RNF8: variants seen among roughly 807,000 people sequenced by gnomAD.
The protein encoded by RNF8 is E3 ubiquitin-protein ligase RNF8.
In RNF8, 8 loss-of-function variants were observed where a neutral mutation model predicts 59.3. The ratio of observed to expected loss-of-function variants is 0.13; its 90% CI spans 0.08 to 0.24. RNF8 has a LOEUF of 0.24. Ranked by LOEUF, RNF8 falls within the 10% of genes least tolerant of loss-of-function variation. RNF8 has a pLI of 1.00. For synonymous variants in RNF8, 162 were observed against 200.0 expected (o/e 0.81, Z 1.60); for missense variants, 406 against 572.6 (o/e 0.71, Z 2.97).
chr6:37,364,512 A>G (rs1334818425), intron 2 of RNF8, among the ~76,000 whole-genome samples: 1 of 152,220 alleles, frequency 6.6e-6, no homozygotes, highest in African/African-American at 2.4e-5. Flanking sequence ...TAAAAAATAT[A>G]TTGACGGATA....
intron 3 of RNF8, among the ~76,000 whole-genome samples, chr6:37,369,533 G>A (rs1769711752): frequency 6.6e-6 from 1 of 152,198 alleles, no homozygotes; most frequent in African/African-American, 2.4e-5. Context: ...ATGAATTCAG[G>A]GGGAAGTTAG....
At chr6:37,388,633 GAGGGATGTGGGGC>G (rs918099393) in intron 7 of RNF8, among the ~76,000 whole-genome samples, 12 of 152,220 alleles carry the variant, frequency 7.9e-5, no homozygotes, top group Non-Finnish European at 1.0e-4. Context: ...GATGGAAAAA[GAGGGATGTGGGGC>G]AGGGATGTGG....
intron 1 of RNF8, 71 bp downstream of exon 1, chr6:37,354,346 G>C (rs1196024684): frequency 2.4e-6 from 3 of 1,259,414 alleles, no homozygotes; most frequent in Non-Finnish European, 3.3e-6. Flanking sequence ...GAGGGAGGAA[G>C]GTGTCTTGCT....
chr6:37,378,752 G>A (rs940306239), intron 6 of RNF8, among the ~76,000 whole-genome samples: 2 of 151,914 alleles, frequency 1.3e-5, no homozygotes, highest in Non-Finnish European at 1.5e-5. Flanking sequence ...ACTTCAGATC[G>A]TAACTTCTCC....
At chr6:37,369,664 GGTCA>G (rs1336418328) in intron 3 of RNF8, 4 of 158,024 alleles carry the variant, frequency 2.5e-5, no homozygotes, top group Non-Finnish European at 4.2e-5. Flanking sequence ...GGCAGGTACA[GGTCA>G]GCTGGTTCCT....
chr6:37,383,320 A>C (rs1212149013), intron 7 of RNF8, among the ~76,000 whole-genome samples: 1 of 152,260 alleles, frequency 6.6e-6, no homozygotes, highest in South Asian at 2.1e-4. Flanking sequence ...CACTGGGTTT[A>C]GAGAAAATTC....
chr6:37,370,252 G>A (rs1484353763), intron 3 of RNF8: 1 of 152,116 alleles, frequency 6.6e-6, no homozygotes, highest in Non-Finnish European at 1.5e-5. Context: ...ATTAGCAAAG[G>A]CCATGGATTA....
intron 6 of RNF8, among the ~76,000 whole-genome samples, chr6:37,380,305 A>G (rs1460205037): frequency 1.3e-5 from 2 of 152,154 alleles, no homozygotes; most frequent in Non-Finnish European, 2.9e-5. Flanking sequence ...GAAAAAGACA[A>G]ATCAGCCTGC....
intron 7 of RNF8, among the ~76,000 whole-genome samples, chr6:37,390,493 A>G (rs907613114): frequency 1.3e-5 from 2 of 152,094 alleles, no homozygotes; most frequent in African/African-American, 4.8e-5. Context: ...TGGGTAGGAG[A>G]GGAAGCTTGA....
At chr6:37,356,624 C>A (rs1769124141) in intron 1 of RNF8, among the ~76,000 whole-genome samples, 1 of 152,104 alleles carries the variant, frequency 6.6e-6, no homozygotes, top group Non-Finnish European at 1.5e-5. Flanking sequence ...AGTATCTAGG[C>A]CTTTGGGGAA....
In RNF8 at chr6:37,376,970, C is replaced by T; in HGVS notation, c.1173C>T (p.Ser391=). The change falls in exon 6 of 8, where the codon AGC becomes AGT. Residue 391 remains serine (S), a synonymous_variant. Transcript: ENST00000373479. ...AAGCACAGAAGGAAGAAGTTCTTAGCCACATGAATGATGTGCTAGAGAATG... is the reference window on the plus strand; with the variant it reads ...AAGCACAGAAGGAAGAAGTTCTTAGTCACATGAATGATGTGCTAGAGAATG... ...KMQAQKEEVL[S]HMNDVLENEL... 6.2e-7 allele frequency: 1 copy of T among 1,612,728 alleles called. No individual in the cohort carries two copies.
At chr6:37,358,397 AT>A (rs1463429832) in intron 1 of RNF8, among the ~76,000 whole-genome samples, 1 of 152,220 alleles carries the variant, frequency 6.6e-6, no homozygotes, top group African/African-American at 2.4e-5. Context: ...TATAAAGCTT[AT>A]GGGGGCTAGA....
chr6:37,386,070 G>A (rs961683966), intron 7 of RNF8, among the ~76,000 whole-genome samples: 17 of 151,682 alleles, frequency 1.1e-4, no homozygotes, highest in African/African-American at 3.1e-4. Flanking sequence ...TCCTGAGCTC[G>A]AGCAATCCAC....
At chr6:37,374,753 C>T in intron 5 of RNF8, 44 bp downstream of exon 5, 1 of 1,410,756 alleles carries the variant, frequency 7.1e-7, no homozygotes, top group African/African-American at 1.4e-5. Flanking sequence ...TTAGTGCATG[C>T]AACTCAGCAT....
intron 2 of RNF8, among the ~76,000 whole-genome samples, chr6:37,362,146 T>C (rs538236649): frequency 1.5e-4 from 23 of 152,240 alleles, no homozygotes; most frequent in African/African-American, 5.1e-4. Flanking sequence ...CTCATCAGAG[T>C]AGGCTGTATG....
intron 7 of RNF8, among the ~76,000 whole-genome samples, chr6:37,390,495 G>T (rs572463939): frequency 1.2e-4 from 19 of 152,272 alleles, no homozygotes; most frequent in African/African-American, 4.6e-4. Flanking sequence ...GGTAGGAGAG[G>T]AAGCTTGAGC....
At chr6:37,355,571 A>G (rs1283271614) in intron 1 of RNF8, among the ~76,000 whole-genome samples, 3 of 152,204 alleles carry the variant, frequency 2.0e-5, no homozygotes, top group Non-Finnish European at 4.4e-5. Flanking sequence ...TGGATTATTT[A>G]GTTCCTTCCC....
Position 37,374,715 on chromosome 6 carries a change from G to A in RNF8, c.1128+6G>A, listed in dbSNP as rs760828742. ...AAGAATTAGAGCAGACCAAGGTACT[G>A]GAAAGAAGATGGAAGTTTAGAATTT... On this transcript the variant is annotated splice_donor_region_variant and intron_variant, in intron 5 of 7. Coordinates refer to ENST00000373479, the MANE Select transcript of RNF8 (RefSeq NM_003958.4). 1.2e-6 allele frequency: 2 copies of A among 1,610,232 alleles called. No homozygotes were observed. Among genetic ancestry groups the A allele is most frequent in the Non-Finnish European group, 8.5e-7 (1 of 1,176,664 alleles).
chr6:37,385,703 A>G (rs1396997710), intron 7 of RNF8, among the ~76,000 whole-genome samples: 1 of 152,198 alleles, frequency 6.6e-6, no homozygotes, highest in Non-Finnish European at 1.5e-5. Flanking sequence ...GTAGTGGGAT[A>G]GTAACATTAT....
Sources: gnomAD v4.1 joint callset for allele counts (sites outside exome capture counted in the v4.1 genomes callset) on GRCh38, gnomAD v4.1.1 for gene constraint, MANE v1.5 for transcripts, NCBI Gene and HGNC (gene_info 2026-07-23, HGNC 2026-07-21) for gene names.